The following ZNF888 variants were observed in gnomAD, a reference collection of about 807,000 sequenced individuals.
ZNF888 encodes CTD-2331H12.6.
ZNF888 carries 5 observed loss-of-function variants against 7.2 expected under a neutral mutation model. The ratio of observed to expected loss-of-function variants is 0.70; its 90% CI spans 0.36 to 1.46. ZNF888 has a LOEUF of 1.46. ZNF888 is among the 40% of genes most tolerant of loss of function. ZNF888 has a pLI of 0.03. For missense variants in ZNF888, 716 were observed against 858.0 expected (o/e 0.83, Z 2.07); for synonymous variants, 240 against 284.3 (o/e 0.84, Z 1.57).
At chr19:52,908,844 CA>C (rs11326533) in intron 4 of ZNF888, among the ~76,000 whole-genome samples, 45,851 of 80,762 alleles carry the variant, frequency 0.57, 10,035 homozygotes, top group Admixed American at 0.65. Flanking sequence ...AGACTCGAGT[CA>C]AAAAAAAAAA....
At chr19:52,910,149 C>CAAAAAA (rs71335690) in intron 4 of ZNF888, among the ~76,000 whole-genome samples, 21 of 83,928 alleles carry the variant, frequency 2.5e-4, no homozygotes, top group Non-Finnish European at 4.1e-4. Flanking sequence ...GACTTCGTCT[C>CAAAAAA]AAAAAAAAAA....
chr19:52,911,032 C>A (rs527863960), intron 4 of ZNF888, among the ~76,000 whole-genome samples: 1 of 152,276 alleles, frequency 6.6e-6, no homozygotes, highest in South Asian at 2.1e-4. Flanking sequence ...GTGCACAGCA[C>A]CATGAACAGC....
chr19:52,917,507 C>A, intron 3 of ZNF888: 1 of 617,924 alleles, frequency 1.6e-6, no homozygotes, highest in South Asian at 1.8e-5. Flanking sequence ...CTTCCATTGG[C>A]AGCTACTCTA....
chr19:52,908,628 C>T (rs907255986), intron 4 of ZNF888, among the ~76,000 whole-genome samples: 2 of 152,016 alleles, frequency 1.3e-5, no homozygotes, highest in Non-Finnish European at 2.9e-5. Context: ...TAAGGATAAC[C>T]AAAATCAATG....
At position 52,907,399 on chromosome 19, in the gene ZNF888, C is replaced by G; in HGVS notation, c.923G>C (p.Ser308Thr). 1 of 1,612,720 alleles carries G rather than the reference C, an allele frequency of 6.2e-7. No homozygotes were observed. Among genetic ancestry groups the G allele is most frequent in the South Asian group, 1.1e-5 (1 of 90,932 alleles). The change falls in exon 5 of 5, where the codon AGT becomes ACT. Residue 308 changes from serine (S) to threonine (T), a missense_variant. Physicochemically the swap from Ser to Thr is moderately conservative, Grantham distance 58 (BLOSUM62 1). Transcript: ENST00000638862. ...YKCNECGKTFSDKSALLVHKT... is the reference protein window; with the variant it reads ...YKCNECGKTFTDKSALLVHKT... The stretch of plus-strand genomic sequence containing the variant: ...GTGAACTAAGAGGGCTGACTTGTCA[C>G]TGAACGTCTTGCCACACTCATTACA...
At position 52,907,050 on chromosome 19, in the gene ZNF888, G is replaced by A. The variant is rs2064618344; in HGVS notation, c.1272C>T (p.Ala424=). Residue 424 remains alanine (A), a synonymous_variant, in exon 5 of 5, where the codon GCC becomes GCT. Coordinates refer to ENST00000638862, the MANE Select transcript of ZNF888 (RefSeq NM_001393938.1). ...ECGKTFGENS[A]LLVHKTIHTG... is the part of the protein sequence containing the mutation. The stretch of plus-strand genomic sequence containing the variant: ...TATGAATTGTCTTGTGAACTAAGAG[G>A]GCTGAATTTTCACCAAACGTTTTGC... The A allele has an allele frequency of 1.9e-6, 3 of 1,607,648 alleles. No individual in the cohort carries two copies. In the Admixed American group the frequency reaches 5.1e-5, roughly 27 times the overall value.
At chr19:52,912,012 A>G (rs1407142515) in intron 4 of ZNF888, among the ~76,000 whole-genome samples, 1 of 149,496 alleles carries the variant, frequency 6.7e-6, no homozygotes, top group Non-Finnish European at 1.5e-5. Flanking sequence ...AAGGGGTTTC[A>G]CCGTGTTAGT....
In ZNF888 at chr19:52,907,498, C is replaced by T; in HGVS notation, c.824G>A (p.Cys275Tyr). 2 of 1,604,570 alleles carry T rather than the reference C, an allele frequency of 1.2e-6. No individual in the cohort carries two copies. Among genetic ancestry groups the T allele is most frequent in the African/African-American group, 1.3e-5 (1 of 74,540 alleles). ...TGCTTTTTTATTAAAAACCTTGCCA[C>T]ATTTATTACACATGTAAGGTTTCTC... ...TGEKPYMCNK[C>Y]GKVFNKKAYL... The change falls in exon 5 of 5, where the codon TGT becomes TAT. Residue 275 changes from cysteine (C) to tyrosine (Y), a missense_variant. Cys to Tyr is a radical substitution (Grantham distance 194). Coordinates refer to ENST00000638862, the MANE Select transcript of ZNF888 (RefSeq NM_001393938.1).
Position 52,907,135 on chromosome 19 carries a change from T to C in ZNF888, c.1187A>G (p.His396Arg). 6.2e-7 allele frequency: 1 copy of C among 1,612,392 alleles called. No homozygotes were observed. The highest frequency in any genetic ancestry group is 2.2e-5 in the East Asian group (1 of 44,780). ...GTGAATTACAATATGCTGTGCCAGG[T>C]GTGAATCATGTCTGAAAGCCTTGTC... Reference protein sequence around the residue: ...VCDKAFRHDSHLAQHIVIHTR... With the variant: ...VCDKAFRHDSRLAQHIVIHTR... The change falls in exon 5 of 5, where the codon CAC (histidine) becomes CGC (arginine). Residue 396 changes from histidine to arginine, a missense_variant. This residue lies in a region of ZNF888 where 697 missense variants were observed against 803.4 expected (regional missense o/e 0.87). Transcript: ENST00000638862.
chr19:52,906,084 G>C lies in ZNF888; in HGVS notation c.*81C>G. ...AAAATTTGCCACATTTACTACACTTGTAAGATCTCTATTCATTATGGATTC... is the reference window on the plus strand; with the variant it reads ...AAAATTTGCCACATTTACTACACTTCTAAGATCTCTATTCATTATGGATTC... On this transcript the variant is annotated 3_prime_UTR_variant, in exon 5 of 5. Transcript: ENST00000638862. 1 of 1,603,546 alleles carries C rather than the reference G, an allele frequency of 6.2e-7. No homozygotes were observed. Among genetic ancestry groups the C allele is most frequent in the Non-Finnish European group, 8.5e-7 (1 of 1,171,224 alleles).
chr19:52,916,834 C>T (rs1162773802), intron 3 of ZNF888, among the ~76,000 whole-genome samples: 1 of 151,748 alleles, frequency 6.6e-6, no homozygotes, highest in African/African-American at 2.4e-5. Context: ...ATCACTTGAA[C>T]CCGGGAGGCA....
chr19:52,912,304 G>A (rs541680489), intron 4 of ZNF888, among the ~76,000 whole-genome samples: 68 of 148,224 alleles, frequency 4.6e-4, no homozygotes, highest in Non-Finnish European at 7.9e-4. Context: ...TAGTAGAGAT[G>A]GGGTTTCACC....
chr19:52,910,370 G>A (rs912559873), intron 4 of ZNF888, among the ~76,000 whole-genome samples: 8 of 152,198 alleles, frequency 5.3e-5, no homozygotes, highest in Admixed American at 4.6e-4. Flanking sequence ...CTACTTGGGA[G>A]GCTGAAGCAG....
At chr19:52,919,975 T>A (rs1298647922) in intron 1 of ZNF888, among the ~76,000 whole-genome samples, 1 of 49,346 alleles carries the variant, frequency 2.0e-5, no homozygotes, top group South Asian at 6.0e-4. Context: ...AGCCGCCCCG[T>A]CCGGGAGGTG....
Position 52,906,079 on chromosome 19 carries a change from C to A in ZNF888, c.*86G>T. On this transcript the variant is annotated 3_prime_UTR_variant, in exon 5 of 5. Coordinates refer to ENST00000638862, the MANE Select transcript of ZNF888 (RefSeq NM_001393938.1). ...TCTGAAAAATTTGCCACATTTACTA[C>A]ACTTGTAAGATCTCTATTCATTATG... is the stretch of plus-strand genomic sequence containing the variant. The A allele has an allele frequency of 6.2e-7, 1 of 1,601,510 alleles. No individual in the cohort carries two copies. Among genetic ancestry groups the A allele is most frequent in the South Asian group, 1.1e-5 (1 of 90,670 alleles).
intron 4 of ZNF888, among the ~76,000 whole-genome samples, chr19:52,910,337 G>A (rs916730717): frequency 2.0e-4 from 30 of 152,066 alleles, no homozygotes; most frequent in African/African-American, 7.0e-4. Context: ...GCTATGCATG[G>A]TGGCGGGTGC....
At chr19:52,921,676 C>T (rs2064823781) in intron 1 of ZNF888, 25 of 984,528 alleles carry the variant, frequency 2.5e-5, no homozygotes, top group Non-Finnish European at 2.9e-5. Context: ...AGCTATTGAC[C>T]TTGAAAATAG....
chr19:52,917,818 A>G, intron 3 of ZNF888, 41 bp downstream of exon 3: 1 of 1,613,080 alleles, frequency 6.2e-7, no homozygotes, highest in Non-Finnish European at 8.5e-7. Context: ...GCATTTCTGA[A>G]AGGAAGGAGA....
chr19:52,917,105 C>A (rs723864), intron 3 of ZNF888: 65,713 of 151,192 alleles, frequency 0.43, 14,349 homozygotes, highest in Middle Eastern at 0.5. Context: ...TTGAATGAAT[C>A]TCCTGCTATT....
Sources: allele counts gnomAD v4.1 joint callset (sites outside exome capture counted in the v4.1 genomes callset), GRCh38; gene constraint gnomAD v4.1.1; regional missense constraint gnomAD v4.1.1; transcripts MANE v1.5; gene names NCBI Gene and HGNC (gene_info 2026-07-23, HGNC 2026-07-21).